Variants in LRP1B observed in about 807,000 individuals in gnomAD.
LRP1B encodes LDL receptor related protein 1B, also known as low-density lipoprotein receptor-related protein 1B.
In LRP1B, 217 loss-of-function variants were observed where a neutral mutation model predicts 556.6. The ratio of observed to expected loss-of-function variants is 0.39; its 90% CI spans 0.35 to 0.44. LRP1B has a LOEUF of 0.44. LRP1B is among the 20% of genes least tolerant of loss of function. The probability of loss-of-function intolerance (pLI) is 1.00; values close to 1 mark genes in which losing one functional copy is unlikely to be tolerated. For synonymous variants in LRP1B, 2,047 were observed against 1,865.8 expected (o/e 1.10, Z -2.50); for missense variants, 5,053 against 5,620.8 (o/e 0.90, Z 3.23).
intron 3 of LRP1B, among the ~76,000 whole-genome samples, chr2:141,391,892 T>C (rs1690061252): frequency 6.6e-6 from 1 of 152,212 alleles, no homozygotes. Context: ...CTGTTAGCTC[T>C]TTCCATCTGT....
At chr2:140,556,465 T>C (rs984049976) in intron 43 of LRP1B, among the ~76,000 whole-genome samples, 1 of 152,126 alleles carries the variant, frequency 6.6e-6, no homozygotes, top group Admixed American at 6.6e-5. Flanking sequence ...CCCATCATAT[T>C]ACCCCACAAC....
chr2:141,142,463 T>A (rs1701676095), intron 7 of LRP1B, among the ~76,000 whole-genome samples: 1 of 152,216 alleles, frequency 6.6e-6, no homozygotes. Flanking sequence ...TATTACCACC[T>A]TTAACAAGGA....
chr2:141,614,669 C>T (rs1479808305), intron 2 of LRP1B, among the ~76,000 whole-genome samples: 1 of 152,062 alleles, frequency 6.6e-6, no homozygotes, highest in Non-Finnish European at 1.5e-5. Context: ...GATAGATCTA[C>T]AAATGAAGGA....
chr2:141,728,302 C>G (rs962390893), intron 2 of LRP1B, among the ~76,000 whole-genome samples: 26 of 151,964 alleles, frequency 1.7e-4, no homozygotes, highest in African/African-American at 6.3e-4. Context: ...ATGCCTGGCC[C>G]TCTTTCTTTG....
At chr2:141,941,388 CT>C (rs1700798743) in intron 1 of LRP1B, among the ~76,000 whole-genome samples, 1 of 152,170 alleles carries the variant, frequency 6.6e-6, no homozygotes, top group South Asian at 2.1e-4. Context: ...CATCACTGCC[CT>C]TAGGGAGCTC....
intron 3 of LRP1B, among the ~76,000 whole-genome samples, chr2:141,258,922 A>T (rs1684584157): frequency 6.6e-6 from 1 of 152,086 alleles, no homozygotes; most frequent in African/African-American, 2.4e-5. Flanking sequence ...CTTTTTCTTT[A>T]TAAATTACCC....
At chr2:140,546,120 G>A (rs981618586) in intron 43 of LRP1B, among the ~76,000 whole-genome samples, 1 of 151,768 alleles carries the variant, frequency 6.6e-6, no homozygotes. Flanking sequence ...GGTAATTTGT[G>A]TACATTGGTT....
chr2:140,935,267 A>G (rs1581566), intron 20 of LRP1B, among the ~76,000 whole-genome samples: 57,888 of 151,998 alleles, frequency 0.38, 11,965 homozygotes, highest in African/African-American at 0.54. Flanking sequence ...AGTCAAAGAA[A>G]ATGTGGATAA....
intron 1 of LRP1B, among the ~76,000 whole-genome samples, chr2:142,126,490 A>G (rs1305482980): frequency 6.6e-6 from 1 of 151,872 alleles, no homozygotes; most frequent in Non-Finnish European, 1.5e-5. Flanking sequence ...TCCACTTACT[A>G]CTAACTTAGT....
intron 39 of LRP1B, 142 bp downstream of exon 39, chr2:140,701,999 T>C: frequency 2.3e-6 from 3 of 1,291,906 alleles, no homozygotes; most frequent in Non-Finnish European, 3.2e-6. Context: ...ATAGCAAGAG[T>C]ACCTGCCTTT....
intron 3 of LRP1B, among the ~76,000 whole-genome samples, chr2:141,392,981 C>T (rs115567149): frequency 1.2e-3 from 186 of 152,216 alleles, no homozygotes; most frequent in African/African-American, 4.3e-3. Context: ...GATCTTTCAG[C>T]GCACTGTGAG....
At chr2:141,071,410 G>T (rs1336109630) in intron 7 of LRP1B, among the ~76,000 whole-genome samples, 1 of 151,874 alleles carries the variant, frequency 6.6e-6, no homozygotes, top group Non-Finnish European at 1.5e-5. Flanking sequence ...TACTGAATGG[G>T]CAAAAACTGG....
At position 141,263,005 on chromosome 2, in the gene LRP1B, A is replaced by T. The variant is rs569435452; in HGVS notation, c.344-8364T>A. 4.6e-5 allele frequency among the ~76,000 whole-genome samples: 7 copies of T among 151,966 alleles called. No homozygotes were observed. The East Asian group carries it at 9.7e-4, about 21-fold the overall frequency. ...GGATATTGACATCTTAACACTACTG[A>T]GCCTTCTAATTAAAAAATATGGTAG... On this transcript the variant is annotated intron_variant, in intron 3 of 90. Coordinates refer to ENST00000389484, the MANE Select transcript of LRP1B (RefSeq NM_018557.3).
chr2:140,421,788 C>A (rs1177062575), intron 66 of LRP1B, among the ~76,000 whole-genome samples: 1 of 152,172 alleles, frequency 6.6e-6, no homozygotes, highest in Non-Finnish European at 1.5e-5. Flanking sequence ...CAGTGAAGGA[C>A]TGAGTAAGTC....
At chr2:140,236,496 C>A (rs1048565817) in intron 89 of LRP1B, among the ~76,000 whole-genome samples, 1 of 150,926 alleles carries the variant, frequency 6.6e-6, no homozygotes, top group African/African-American at 2.4e-5. Flanking sequence ...TCAGATAATT[C>A]ACTGAAGTAA....
At chr2:141,861,613 G>A (rs1558924747) in intron 1 of LRP1B, among the ~76,000 whole-genome samples, 1 of 152,100 alleles carries the variant, frequency 6.6e-6, no homozygotes, top group Non-Finnish European at 1.5e-5. Context: ...TGTTATAAAT[G>A]TATAAACTCT....
chr2:141,376,706 T>C (rs1354697352), intron 3 of LRP1B, among the ~76,000 whole-genome samples: 5 of 152,174 alleles, frequency 3.3e-5, no homozygotes, highest in Admixed American at 6.5e-5. Flanking sequence ...AAACAAATAA[T>C]TTAAATGTAG....
intron 41 of LRP1B, among the ~76,000 whole-genome samples, chr2:140,605,621 T>C (rs912808106): frequency 3.3e-5 from 5 of 151,864 alleles, no homozygotes; most frequent in Admixed American, 1.3e-4. Flanking sequence ...TCTTCTTTCT[T>C]TCTCTCTCTG....
At chr2:141,655,621 G>A (rs185867427) in intron 2 of LRP1B, among the ~76,000 whole-genome samples, 164 of 152,118 alleles carry the variant, frequency 1.1e-3, no homozygotes, top group African/African-American at 3.9e-3. Context: ...TATTAATGGG[G>A]TTATTGCTAC....
Sources: allele counts gnomAD v4.1 joint callset (sites outside exome capture counted in the v4.1 genomes callset), GRCh38; gene constraint gnomAD v4.1.1; transcripts MANE v1.5; gene names NCBI Gene and HGNC (gene_info 2026-07-23, HGNC 2026-07-21).